The following MSRB3 variants were observed in gnomAD, a reference collection of about 807,000 sequenced individuals.
MSRB3 encodes the protein methionine-R-sulfoxide reductase B3.
Under a neutral mutation model 21.0 loss-of-function variants are expected in MSRB3, and 13 were observed. The observed-to-expected ratio is 0.62, with a 90% CI of 0.40 to 0.98. The LOEUF (loss-of-function observed/expected upper bound fraction) is 0.98, where lower values mean the gene tolerates loss of function less well. Among genes scored for constraint, MSRB3 ranks in the 50% least tolerant of loss-of-function variants. The pLI is 0.00. For synonymous variants in MSRB3, 87 were observed against 88.6 expected, an observed-to-expected ratio of 0.98 and a Z score of 0.10; for missense variants, 199 against 230.3, an observed-to-expected ratio of 0.86 and a Z score of 0.88.
At chr12:65,299,771 C>T (rs1873199660) in intron 1 of MSRB3, among the ~76,000 whole-genome samples, 1 of 152,172 alleles carries the variant, frequency 6.6e-6, no homozygotes, top group African/African-American at 2.4e-5. Context: ...CTCCACCTTT[C>T]TTTCCAGCCT....
intron 5 of MSRB3, among the ~76,000 whole-genome samples, chr12:65,400,524 T>G (rs890339282): frequency 3.9e-5 from 6 of 152,070 alleles, no homozygotes; most frequent in African/African-American, 1.4e-4. Flanking sequence ...ATCAGGCTAG[T>G]GGTCTATCTA....
At chr12:65,354,906 C>T (rs944592663) in intron 4 of MSRB3, among the ~76,000 whole-genome samples, 2 of 151,620 alleles carry the variant, frequency 1.3e-5, no homozygotes, top group African/African-American at 4.8e-5. Context: ...TTGGAATTAT[C>T]CCAGAAAACG....
In MSRB3 at chr12:65,328,556, A is replaced by G. The variant is rs549308651; in HGVS notation, c.216A>G (p.Lys72=). Residue 72 remains lysine (K), a synonymous_variant, in exon 4 of 7, where the codon AAA becomes AAG. Transcript: ENST00000308259. The part of the protein sequence containing the change: ...SAFEGEYTHH[K]DPGIYKCVVC... ...TTGAAGGAGAATACACACATCACAA[A>G]GATCCTGGAATATATAAATGTGTTG... The G allele has an allele frequency of 6.2e-7, 1 of 1,612,664 alleles. No homozygotes were observed. The highest frequency in any genetic ancestry group is 1.1e-5 in the South Asian group (1 of 91,038).
intron 5 of MSRB3, among the ~76,000 whole-genome samples, chr12:65,393,799 C>T (rs559825072): frequency 6.6e-5 from 10 of 152,040 alleles, no homozygotes; most frequent in Non-Finnish European, 1.0e-4. Flanking sequence ...GAAAATCTCC[C>T]GTAATCCTAT....
chr12:65,337,194 GA>G (rs1238005259), intron 4 of MSRB3, among the ~76,000 whole-genome samples: 1 of 152,064 alleles, frequency 6.6e-6, no homozygotes, highest in East Asian at 1.9e-4. Flanking sequence ...AGTGAGCGGA[GA>G]TCGCGCCACA....
intron 5 of MSRB3, among the ~76,000 whole-genome samples, chr12:65,451,731 C>A (rs1392291321): frequency 6.6e-6 from 1 of 152,188 alleles, no homozygotes; most frequent in Non-Finnish European, 1.5e-5. Context: ...GAGAAACTAG[C>A]ATTGATATTT....
At chr12:65,394,143 T>C (rs1879647340) in intron 5 of MSRB3, among the ~76,000 whole-genome samples, 1 of 152,208 alleles carries the variant, frequency 6.6e-6, no homozygotes, top group African/African-American at 2.4e-5. Flanking sequence ...AATTAGATGC[T>C]TCTATATGCT....
intron 1 of MSRB3, among the ~76,000 whole-genome samples, chr12:65,292,341 G>A (rs1872711093): frequency 1.3e-5 from 2 of 152,128 alleles, no homozygotes; most frequent in Admixed American, 1.3e-4. Flanking sequence ...CTACCACATA[G>A]GTTATTGTAA....
intron 5 of MSRB3, among the ~76,000 whole-genome samples, chr12:65,450,680 C>T (rs1882816098): frequency 1.3e-5 from 2 of 152,182 alleles, no homozygotes; most frequent in South Asian, 4.1e-4. Context: ...AATGTCAAAA[C>T]TGACATAAAC....
intron 1 of MSRB3, among the ~76,000 whole-genome samples, chr12:65,299,573 T>G (rs114171414): frequency 1.3e-5 from 2 of 152,234 alleles, no homozygotes; most frequent in Non-Finnish European, 2.9e-5. Flanking sequence ...CTTAGTATCA[T>G]GTTCACATCT....
At chr12:65,462,857 ATTCATAAAATTACTGCAGTCATTT>A (rs1463270933) in intron 6 of MSRB3, among the ~76,000 whole-genome samples, 1 of 152,202 alleles carries the variant, frequency 6.6e-6, no homozygotes, top group Non-Finnish European at 1.5e-5. Flanking sequence ...GGTCAACTTG[ATTCATAAAATTACTGCAGTCATTT>A]TTCAGCTGGC....
intron 5 of MSRB3, among the ~76,000 whole-genome samples, chr12:65,393,881 A>T (rs1456090964): frequency 1.3e-5 from 2 of 152,138 alleles, no homozygotes; most frequent in African/African-American, 4.8e-5. Flanking sequence ...TTTTTTTAAT[A>T]AAAATGAATT....
At chr12:65,353,060 T>C (rs1396548713) in intron 4 of MSRB3, among the ~76,000 whole-genome samples, 1 of 152,192 alleles carries the variant, frequency 6.6e-6, no homozygotes, top group Non-Finnish European at 1.5e-5. Flanking sequence ...AATCCTGAGT[T>C]CTAGTTTGAT....
At chr12:65,346,991 T>C (rs1876559097) in intron 4 of MSRB3, among the ~76,000 whole-genome samples, 2 of 152,190 alleles carry the variant, frequency 1.3e-5, no homozygotes, top group Non-Finnish European at 2.9e-5. Context: ...ACTGTAGCCT[T>C]GCAGTATAGT....
intron 5 of MSRB3, among the ~76,000 whole-genome samples, chr12:65,392,352 C>G (rs1345275165): frequency 8.5e-5 from 13 of 152,168 alleles, no homozygotes; most frequent in Admixed American, 8.5e-4. Context: ...CTGCATCTAG[C>G]ATACTTCTTG....
intron 4 of MSRB3, among the ~76,000 whole-genome samples, chr12:65,332,101 A>T (rs548118242): frequency 6.6e-6 from 1 of 152,342 alleles, no homozygotes; most frequent in South Asian, 2.1e-4. Flanking sequence ...CAGGCAAAGA[A>T]GATGGATTTA....
chr12:65,378,111 C>G (rs1850533111), intron 5 of MSRB3, among the ~76,000 whole-genome samples: 1 of 152,146 alleles, frequency 6.6e-6, no homozygotes, highest in African/African-American at 2.4e-5. Context: ...CTTACGTTGA[C>G]TAGCCCAGTG....
chr12:65,357,881 C>T (rs950505354), intron 4 of MSRB3, among the ~76,000 whole-genome samples: 1 of 151,860 alleles, frequency 6.6e-6, no homozygotes, highest in Non-Finnish European at 1.5e-5. Flanking sequence ...TTGATATTGA[C>T]CTTGACCACA....
chr12:65,440,725 G>A (rs1341860465), intron 5 of MSRB3, among the ~76,000 whole-genome samples: 1 of 151,764 alleles, frequency 6.6e-6, no homozygotes, highest in Non-Finnish European at 1.5e-5. Flanking sequence ...GGATTACTCT[G>A]GTCTAGTGAC....
Sources: allele counts gnomAD v4.1 joint callset (sites outside exome capture counted in the v4.1 genomes callset), GRCh38; gene constraint gnomAD v4.1.1; transcripts MANE v1.5; gene names NCBI Gene and HGNC (gene_info 2026-07-23, HGNC 2026-07-21).